FBXL17: variants seen among roughly 807,000 people sequenced by gnomAD.
FBXL17 encodes the protein F-box/LRR-repeat protein 17.
Under a neutral mutation model 66.2 loss-of-function variants are expected in FBXL17, and 22 were observed. The ratio of observed to expected loss-of-function variants is 0.33; its 90% CI spans 0.24 to 0.47. The LOEUF (loss-of-function observed/expected upper bound fraction) is 0.47, where lower values mean the gene tolerates loss of function less well. Among genes scored for constraint, FBXL17 ranks in the 20% least tolerant of loss-of-function variants. The probability of loss-of-function intolerance (pLI) is 1.00; values close to 1 mark genes in which losing one functional copy is unlikely to be tolerated. For missense variants in FBXL17, 878 were observed against 948.2 expected, an observed-to-expected ratio of 0.93 and a Z score of 0.97; for synonymous variants, 474 against 400.5, an observed-to-expected ratio of 1.18 and a Z score of -2.19.
At chr5:108,068,531 C>G (rs2112858037) in intron 6 of FBXL17, among the ~76,000 whole-genome samples, 1 of 152,034 alleles carries the variant, frequency 6.6e-6, no homozygotes, top group Non-Finnish European at 1.5e-5. Context: ...TCTCGGCTCA[C>G]TGCAACCTCC....
chr5:108,348,680 A>T, intron 3 of FBXL17, 150 bp from the exon 4 acceptor site: 1 of 824,138 alleles, frequency 1.2e-6, no homozygotes, highest in South Asian at 1.8e-5. Flanking sequence ...AGCAATCCAT[A>T]ACTTAAAACA....
At chr5:108,104,160 C>T (rs769374545) in intron 6 of FBXL17, among the ~76,000 whole-genome samples, 1 of 151,990 alleles carries the variant, frequency 6.6e-6, no homozygotes, top group Non-Finnish European at 1.5e-5. Context: ...CTCAGCCTCC[C>T]GAGTAGCAGG....
At chr5:108,054,286 AG>A (rs1747600081) in intron 6 of FBXL17, among the ~76,000 whole-genome samples, 1 of 152,062 alleles carries the variant, frequency 6.6e-6, no homozygotes, top group Non-Finnish European at 1.5e-5. Context: ...GCATCCCTGA[AG>A]GGTGTTTTCA....
chr5:107,898,502 AT>A (rs774505153), intron 7 of FBXL17, among the ~76,000 whole-genome samples: 8 of 152,070 alleles, frequency 5.3e-5, no homozygotes, highest in Non-Finnish European at 7.4e-5. Flanking sequence ...TGTTATTAAC[AT>A]TTTTTATTAT....
At chr5:107,863,977 C>A (rs1010738029) in intron 8 of FBXL17, among the ~76,000 whole-genome samples, 3 of 152,232 alleles carry the variant, frequency 2.0e-5, no homozygotes, top group African/African-American at 7.2e-5. Flanking sequence ...TCTCTTCCAC[C>A]TGAATAAAAG....
At chr5:108,019,797 C>T (rs1465093125) in intron 7 of FBXL17, among the ~76,000 whole-genome samples, 1 of 151,610 alleles carries the variant, frequency 6.6e-6, no homozygotes, top group African/African-American at 2.4e-5. Flanking sequence ...AACCAGAAAA[C>T]AAACAACGTA....
chr5:108,045,885 T>A (rs548631102), intron 6 of FBXL17, among the ~76,000 whole-genome samples: 1 of 152,298 alleles, frequency 6.6e-6, no homozygotes, highest in African/African-American at 2.4e-5. Context: ...CGGGATATAG[T>A]GTGTTTTGGC....
chr5:108,070,101 G>A (rs772093502), intron 6 of FBXL17, among the ~76,000 whole-genome samples: 5 of 152,178 alleles, frequency 3.3e-5, no homozygotes, highest in Non-Finnish European at 5.9e-5. Context: ...TCATGTAGCA[G>A]ATTTGTAAAT....
At chr5:108,103,327 C>T (rs966604500) in intron 6 of FBXL17, among the ~76,000 whole-genome samples, 6 of 152,214 alleles carry the variant, frequency 3.9e-5, no homozygotes, top group Non-Finnish European at 7.3e-5. Flanking sequence ...AAGCTGCAGC[C>T]ATTCTGCTTT....
At chr5:107,866,110 T>A (rs144195628) in intron 8 of FBXL17, among the ~76,000 whole-genome samples, 7 of 152,120 alleles carry the variant, frequency 4.6e-5, no homozygotes, top group African/African-American at 9.6e-5. Context: ...AATTTCCCCA[T>A]GATCCCTGGT....
At chr5:108,044,091 C>T (rs1319889171) in intron 6 of FBXL17, among the ~76,000 whole-genome samples, 2 of 151,968 alleles carry the variant, frequency 1.3e-5, no homozygotes, top group East Asian at 3.9e-4. Flanking sequence ...TTATACATTC[C>T]TTAGGATATT....
intron 7 of FBXL17, among the ~76,000 whole-genome samples, chr5:107,904,936 G>T (rs1749703497): frequency 6.6e-6 from 1 of 151,916 alleles, no homozygotes. Context: ...GGGTGAAGCA[G>T]GAGGAGGAGG....
intron 5 of FBXL17, among the ~76,000 whole-genome samples, chr5:108,187,442 G>T (rs1753282952): frequency 6.6e-6 from 1 of 152,152 alleles, no homozygotes; most frequent in Non-Finnish European, 1.5e-5. Context: ...ATTATCCCAG[G>T]TTATCTGAGT....
At chr5:107,978,791 G>A (rs953662651) in intron 7 of FBXL17, among the ~76,000 whole-genome samples, 1 of 152,290 alleles carries the variant, frequency 6.6e-6, no homozygotes, top group East Asian at 1.9e-4. Flanking sequence ...TGAGATTTAA[G>A]TAATAACTCT....
intron 4 of FBXL17, among the ~76,000 whole-genome samples, chr5:108,253,283 G>T (rs907885988): frequency 3.3e-5 from 5 of 152,024 alleles, no homozygotes; most frequent in Non-Finnish European, 5.9e-5. Context: ...TCCTGAGCAG[G>T]TTTTCTGCAA....
At chr5:108,264,938 T>C (rs1020234103) in intron 4 of FBXL17, among the ~76,000 whole-genome samples, 3 of 151,886 alleles carry the variant, frequency 2.0e-5, no homozygotes, top group Non-Finnish European at 4.4e-5. Context: ...TGACAGTTGA[T>C]AGTTTTTAAA....
chr5:108,133,095 C>A (rs1750998469), intron 6 of FBXL17, among the ~76,000 whole-genome samples: 1 of 151,974 alleles, frequency 6.6e-6, no homozygotes, highest in African/African-American at 2.4e-5. Flanking sequence ...TAGAGGAACA[C>A]GAAGGCAAAT....
At chr5:108,258,671 G>A (rs911896165) in intron 4 of FBXL17, among the ~76,000 whole-genome samples, 6 of 151,942 alleles carry the variant, frequency 3.9e-5, no homozygotes, top group Non-Finnish European at 7.4e-5. Flanking sequence ...ATGCCCACTG[G>A]CCAAGTCATT....
At chr5:108,220,466 T>C (rs921649749) in intron 5 of FBXL17, among the ~76,000 whole-genome samples, 1 of 152,224 alleles carries the variant, frequency 6.6e-6, no homozygotes, top group Non-Finnish European at 1.5e-5. Context: ...TGATACCCAG[T>C]GTCTTAAAAA....
Sources: allele counts gnomAD v4.1 joint callset (sites outside exome capture counted in the v4.1 genomes callset), GRCh38; gene constraint gnomAD v4.1.1; transcripts MANE v1.5; gene names NCBI Gene and HGNC (gene_info 2026-07-23, HGNC 2026-07-21).